Variants in TGS1 observed in about 807,000 individuals in gnomAD.
TGS1 encodes trimethylguanosine synthase.
Under a neutral mutation model 92.2 loss-of-function variants are expected in TGS1, and 69 were observed. The observed-to-expected ratio is 0.75, with a 90% CI of 0.62 to 0.91. The LOEUF (loss-of-function observed/expected upper bound fraction) is 0.91, where lower values mean the gene tolerates loss of function less well. Ranked by LOEUF, TGS1 falls within the 40% of genes least tolerant of loss-of-function variation. The pLI is 0.00. For missense variants in TGS1, 1,062 were observed against 1,001.2 expected (o/e 1.06, Z -0.82); for synonymous variants, 345 against 338.1 (o/e 1.02, Z -0.22).
rs139226926 is a variant in TGS1, at chr8:55,785,739, G to A, written c.187G>A (p.Glu63Lys). The A allele has an allele frequency of 2.5e-6, 4 of 1,609,364 alleles. No individual in the cohort carries two copies. The highest frequency in any genetic ancestry group is 3.4e-6 in the Non-Finnish European group (4 of 1,178,434). Residue 63 changes from glutamate (E) to lysine (K), a missense_variant, in exon 3 of 13, where the codon GAG becomes AAG. Glu to Lys is a moderately conservative substitution (Grantham distance 56, BLOSUM62 1). Transcript: ENST00000260129. ...NNSGDQATEE[E>K]EGGYSCGTAE... ...TATAGGAGACCAGGCGACAGAAGAA[G>A]AGGAAGGTGGTTATTCCTGTGGTAC...
At chr8:55,822,714 G>T (rs1334686851) in intron 12 of TGS1, among the ~76,000 whole-genome samples, 1 of 151,618 alleles carries the variant, frequency 6.6e-6, no homozygotes, top group Non-Finnish European at 1.5e-5. Flanking sequence ...AATAGTGGGG[G>T]GGGTGCTTTT....
chr8:55,775,548 G>C (rs1285311255), intron 1 of TGS1, among the ~76,000 whole-genome samples: 1 of 152,164 alleles, frequency 6.6e-6, no homozygotes, highest in African/African-American at 2.4e-5. Context: ...TGCTGGGGGT[G>C]GGGACTGAAT....
chr8:55,792,907 C>T, intron 6 of TGS1, 123 bp downstream of exon 6: 1 of 663,028 alleles, frequency 1.5e-6, no homozygotes, highest in Non-Finnish European at 2.6e-6. Flanking sequence ...TAAATCACTT[C>T]TTGTTAGAAT....
rs373981396 is a variant in TGS1, at chr8:55,797,044, C to A, written c.1542+892C>A. Among the ~76,000 whole-genome samples the A allele has an allele frequency of 9.2e-5, 14 of 151,858 alleles. No individual in the cohort carries two copies. In the East Asian group the frequency reaches 2.5e-3, roughly 27 times the overall value. On this transcript the variant is annotated intron_variant, in intron 7 of 12. Transcript: ENST00000260129. Reference sequence around the variant, plus strand: ...AACAGACAAGAACAAGGAACAATTTCTCATCTGTTTTAGGCTAGGTAGGTG... The same window carrying A: ...AACAGACAAGAACAAGGAACAATTTATCATCTGTTTTAGGCTAGGTAGGTG...
chr8:55,791,594 T>C (rs1811886793), intron 5 of TGS1, among the ~76,000 whole-genome samples: 1 of 152,356 alleles, frequency 6.6e-6, no homozygotes, highest in South Asian at 2.1e-4. Flanking sequence ...CTGTTTGTTG[T>C]AAGATGCTGC....
Position 55,786,830 on chromosome 8 carries a change from A to G in TGS1, c.932A>G (p.Asp311Gly). Residue 311 changes from aspartate (D) to glycine (G), a missense_variant, in exon 4 of 13, where the codon GAT becomes GGT. Physicochemically the swap from Asp to Gly is moderately conservative, Grantham distance 94 (BLOSUM62 -1). Transcript: ENST00000260129. Reference sequence around the variant, plus strand: ...GATAATGATAGCTCTGGTACAAGTGATAAGGATCATAGTGAAATACTTGAT... The same window carrying G: ...GATAATGATAGCTCTGGTACAAGTGGTAAGGATCATAGTGAAATACTTGAT... ...MVDNDSSGTS[D>G]KDHSEILDGI... The G allele has an allele frequency of 6.2e-7, 1 of 1,614,194 alleles. No homozygotes were observed. The highest frequency in any genetic ancestry group is 8.5e-7 in the Non-Finnish European group (1 of 1,180,014).
chr8:55,775,817 C>CA (rs1317318117), intron 1 of TGS1, among the ~76,000 whole-genome samples: 1 of 152,016 alleles, frequency 6.6e-6, no homozygotes, highest in African/African-American at 2.4e-5. Context: ...GAGGGGGACC[C>CA]ACCTTTGAGG....
At chr8:55,790,868 T>C (rs1438990370) in intron 5 of TGS1, among the ~76,000 whole-genome samples, 1 of 152,176 alleles carries the variant, frequency 6.6e-6, no homozygotes, top group East Asian at 1.9e-4. Flanking sequence ...GATGCCTTTT[T>C]TGTGATTATT....
At position 55,792,638 on chromosome 8, in the gene TGS1, A is replaced by G. The variant is rs865975746; in HGVS notation, c.1281-60A>G. 1.3e-5 allele frequency: 15 copies of G among 1,192,706 alleles called. No homozygotes were observed. The African/African-American group carries it at 2.3e-4, about 18-fold the overall frequency. 73.9% of individuals were successfully genotyped at this position (1,192,706 alleles called of 1,614,324 possible). A position where few individuals can be genotyped will look rare whatever the true frequency, so the allele number is the denominator to read the frequency against. On this transcript the variant is annotated intron_variant, in intron 5 of 12. Transcript: ENST00000260129. ...CAATTATATTGCCTTTTTTATATTT[A>G]TCTGAACTAGTGGGCTCTGGTGGTA... is the stretch of plus-strand genomic sequence containing the variant.
intron 11 of TGS1, among the ~76,000 whole-genome samples, chr8:55,812,741 A>C (rs1307173953): frequency 6.6e-6 from 1 of 152,104 alleles, no homozygotes; most frequent in African/African-American, 2.4e-5. Context: ...AAAAATTAAA[A>C]AATAAAATTT....
rs147110797 is a variant in TGS1, at chr8:55,787,904, G to C, written c.1162+844G>C. On this transcript the variant is annotated intron_variant, in intron 4 of 12. Transcript: ENST00000260129. Reference sequence around the variant, plus strand: ...TGGCAAGAGAGAGAGCAAGAGAGAGGGGGGAGGTCCCAGGCTCTTGTTAGC... The same window carrying C: ...TGGCAAGAGAGAGAGCAAGAGAGAGCGGGGAGGTCCCAGGCTCTTGTTAGC... Among the ~76,000 whole-genome samples, 27 of 152,280 alleles carry C rather than the reference G, an allele frequency of 1.8e-4. No individual in the cohort carries two copies. In the East Asian group the frequency reaches 3.1e-3, roughly 17 times the overall value.
chr8:55,800,047 C>G (rs1034255898), intron 8 of TGS1, among the ~76,000 whole-genome samples: 3 of 152,024 alleles, frequency 2.0e-5, no homozygotes, highest in Non-Finnish European at 4.4e-5. Flanking sequence ...AGCAAAAGTT[C>G]TTATATAGTT....
In TGS1 at chr8:55,798,958, A is replaced by T; in HGVS notation, c.1587A>T (p.Glu529Asp). 6.2e-7 allele frequency: 1 copy of T among 1,612,728 alleles called. No individual in the cohort carries two copies. Among genetic ancestry groups the T allele is most frequent in the Non-Finnish European group, 8.5e-7 (1 of 1,179,680 alleles). The part of the protein sequence containing the change: ...LTWVNKPMDE[E>D]ASQESSSHDN... The stretch of plus-strand genomic sequence containing the variant: ...GGGTTAATAAACCAATGGATGAAGA[A>T]GCATCACAGGAATCATCTTCTCATG... The change falls in exon 8 of 13, where the codon GAA becomes GAT. Residue 529 changes from glutamate (E) to aspartate (D), a missense_variant. Coordinates refer to ENST00000260129, the MANE Select transcript of TGS1 (RefSeq NM_024831.8).
intron 6 of TGS1, among the ~76,000 whole-genome samples, chr8:55,795,304 A>G (rs539715217): frequency 6.6e-6 from 1 of 152,350 alleles, no homozygotes; most frequent in East Asian, 1.9e-4. Flanking sequence ...GTTTATTAAA[A>G]GAAGTTTATA....
rs1219650788 is a variant in TGS1 at position 55,786,733 on chromosome 8, G to T, written c.835G>T (p.Ala279Ser). 1 of 1,614,138 alleles carries T rather than the reference G, an allele frequency of 6.2e-7. No individual in the cohort carries two copies. Among genetic ancestry groups the T allele is most frequent in the Admixed American group, 1.7e-5 (1 of 60,014 alleles). Residue 279 changes from alanine to serine, a missense_variant, in exon 4 of 13, where the codon GCT becomes TCT. Physicochemically the swap from Ala to Ser is moderately conservative, Grantham distance 99 (BLOSUM62 1). Transcript: ENST00000260129. Reference sequence around the variant, plus strand: ...AGATACTTACACATCTAAAACAGAAGCTGATGACAAGAACGATGAAAAATG... The same window carrying T: ...AGATACTTACACATCTAAAACAGAATCTGATGACAAGAACGATGAAAAATG... ...DTDTYTSKTE[A>S]DDKNDEKCMK...
intron 6 of TGS1, among the ~76,000 whole-genome samples, chr8:55,795,223 GACTTAACT>G (rs1812004424): frequency 6.6e-6 from 1 of 152,114 alleles, no homozygotes; most frequent in Admixed American, 6.5e-5. Context: ...TCTTGCCTGA[GACTTAACT>G]ACTTAACTAC....
Position 55,813,050 on chromosome 8 carries a change from T to C in TGS1, c.2371T>C (p.Phe791Leu), listed in dbSNP as rs1803379021. ...TTAACTGCTGTCCACCTTTGAAATT[T>C]TCAGACTTTCTAAGAAGATCACTAA... ...TMMSPDGFEI[F>L]RLSKKITNNI... Residue 791 changes from phenylalanine to leucine, a missense_variant, in exon 12 of 13, where the codon TTC (phenylalanine) becomes CTC (leucine). Phe to Leu is a conservative substitution (Grantham distance 22). Coordinates refer to ENST00000260129, the MANE Select transcript of TGS1 (RefSeq NM_024831.8). 1 of 1,607,870 alleles carries C rather than the reference T, an allele frequency of 6.2e-7. No homozygotes were observed.
chr8:55,812,394 G>T (rs1378881007), intron 11 of TGS1, among the ~76,000 whole-genome samples: 1 of 151,476 alleles, frequency 6.6e-6, no homozygotes, highest in Non-Finnish European at 1.5e-5. Context: ...TGGGCATGGT[G>T]GTGGGCACCT....
At chr8:55,782,061 C>T (rs1174632116) in intron 1 of TGS1, among the ~76,000 whole-genome samples, 1 of 152,166 alleles carries the variant, frequency 6.6e-6, no homozygotes, top group Non-Finnish European at 1.5e-5. Flanking sequence ...AGCTAAATCT[C>T]TCCACTGTTA....
Sources: allele counts gnomAD v4.1 joint callset (sites outside exome capture counted in the v4.1 genomes callset), GRCh38; gene constraint gnomAD v4.1.1; transcripts MANE v1.5; gene names NCBI Gene and HGNC (gene_info 2026-07-23, HGNC 2026-07-21).